GALNT17: variants seen among roughly 807,000 people sequenced by gnomAD.
GALNT17 encodes polypeptide N-acetylgalactosaminyltransferase 17.
Under a neutral mutation model 63.7 loss-of-function variants are expected in GALNT17, and 29 were observed. That is an observed-to-expected ratio of 0.46 (90% confidence interval 0.34 to 0.62). The LOEUF is 0.62. Ranked by LOEUF, GALNT17 falls within the 20% of genes least tolerant of loss-of-function variation. The pLI, the probability that GALNT17 is intolerant of heterozygous loss-of-function variation, is 0.01. For synonymous variants in GALNT17, 305 were observed against 318.3 expected (o/e 0.96, Z 0.45); for missense variants, 603 against 799.6 (o/e 0.75, Z 2.97).
At chr7:71,170,484 T>C (rs900498251) in intron 1 of GALNT17, among the ~76,000 whole-genome samples, 1 of 151,924 alleles carries the variant, frequency 6.6e-6, no homozygotes, top group Non-Finnish European at 1.5e-5. Context: ...TACAGGCACA[T>C]GCGATCACCC....
rs960622445 is a variant in GALNT17, at chr7:71,256,847, G to A, written c.239-78703G>A. On this transcript the variant is annotated intron_variant, in intron 1 of 10. Transcript: ENST00000333538. ...GTTCAAGTGAGAATGAGAGAGGTAG[G>A]AGATGACACTATCTAGGCTGGCAGA... is the stretch of plus-strand genomic sequence containing the variant. 2.2e-4 allele frequency among the ~76,000 whole-genome samples: 33 copies of A among 152,316 alleles called. No homozygotes were observed. In the Middle Eastern group the frequency reaches 0.01, roughly 47 times the overall value.
At chr7:71,256,026 A>G (rs62457809) in intron 1 of GALNT17, among the ~76,000 whole-genome samples, 17,391 of 152,150 alleles carry the variant, frequency 0.11, 1,185 homozygotes, top group South Asian at 0.21. Context: ...AGCATTTACA[A>G]TCTATTCTCC....
chr7:71,211,743 A>G (rs1789381569), intron 1 of GALNT17, among the ~76,000 whole-genome samples: 3 of 152,248 alleles, frequency 2.0e-5, no homozygotes, highest in South Asian at 2.1e-4. Flanking sequence ...AACTGGAGTA[A>G]AGGTGATTCT....
At chr7:71,694,225 T>C (rs984813453) in intron 9 of GALNT17, among the ~76,000 whole-genome samples, 2 of 152,092 alleles carry the variant, frequency 1.3e-5, no homozygotes, top group African/African-American at 4.8e-5. Flanking sequence ...ATGTTTCAAT[T>C]ACCTCCCACT....
At chr7:71,163,881 T>C (rs1373832466) in intron 1 of GALNT17, among the ~76,000 whole-genome samples, 1 of 152,196 alleles carries the variant, frequency 6.6e-6, no homozygotes, top group Non-Finnish European at 1.5e-5. Flanking sequence ...CATTTTAGAA[T>C]CTCATCTTTG....
intron 2 of GALNT17, among the ~76,000 whole-genome samples, chr7:71,348,754 C>G (rs1460339877): frequency 6.6e-6 from 1 of 152,206 alleles, no homozygotes; most frequent in African/African-American, 2.4e-5. Flanking sequence ...ATGAGAGCTG[C>G]AGGAGGGGCT....
At chr7:71,216,118 G>C (rs1205168935) in intron 1 of GALNT17, among the ~76,000 whole-genome samples, 1 of 152,100 alleles carries the variant, frequency 6.6e-6, no homozygotes, top group Non-Finnish European at 1.5e-5. Flanking sequence ...TTAGGAGGCT[G>C]AGGTGGTAGG....
chr7:71,459,267 G>GAAAAAA (rs933838462), intron 5 of GALNT17, among the ~76,000 whole-genome samples: 1 of 151,318 alleles, frequency 6.6e-6, no homozygotes, highest in South Asian at 2.1e-4. Context: ...GCAGAATACA[G>GAAAAAA]AAAAAAAAAG....
intron 6 of GALNT17, among the ~76,000 whole-genome samples, chr7:71,579,746 C>A (rs923760791): frequency 1.3e-5 from 2 of 152,108 alleles, no homozygotes; most frequent in Non-Finnish European, 2.9e-5. Context: ...CAGCGACAAC[C>A]ATCAAGGTGG....
At chr7:71,183,630 A>T (rs913476262) in intron 1 of GALNT17, among the ~76,000 whole-genome samples, 1 of 152,080 alleles carries the variant, frequency 6.6e-6, no homozygotes, top group Non-Finnish European at 1.5e-5. Context: ...ACCAACACAC[A>T]TTGCGCCTGT....
chr7:71,288,278 G>T lies in GALNT17; in HGVS notation c.239-47272G>T, dbSNP rs7806975. On this transcript the variant is annotated intron_variant, in intron 1 of 10. Transcript: ENST00000333538. ...AAATCCATGTGCTGTTCATTAAATA[G>T]AAGTGTATCGTCATAAAGGTCTTCA... 2.9e-3 allele frequency among the ~76,000 whole-genome samples: 430 copies of T among 147,510 alleles called. 2 individuals carry two copies. Among genetic ancestry groups the T allele is most frequent in the African/African-American group, 0.01 (415 of 39,592 alleles).
At chr7:71,423,399 G>A (rs748046031) in intron 5 of GALNT17, among the ~76,000 whole-genome samples, 11 of 152,162 alleles carry the variant, frequency 7.2e-5, no homozygotes, top group Non-Finnish European at 1.5e-4. Context: ...TTATAGTTCA[G>A]TACTTTATGT....
intron 6 of GALNT17, among the ~76,000 whole-genome samples, chr7:71,631,806 C>T (rs1481268972): frequency 6.6e-6 from 1 of 152,118 alleles, no homozygotes; most frequent in Non-Finnish European, 1.5e-5. Context: ...AGGTAAATTT[C>T]ACTGGTCGCA....
intron 5 of GALNT17, among the ~76,000 whole-genome samples, chr7:71,512,271 G>T (rs1456913528): frequency 6.6e-6 from 1 of 152,066 alleles, no homozygotes; most frequent in African/African-American, 2.4e-5. Flanking sequence ...CTCCCAAAGT[G>T]CTGGGATTAT....
At chr7:71,244,286 T>G (rs184625540) in intron 1 of GALNT17, among the ~76,000 whole-genome samples, 101 of 152,298 alleles carry the variant, frequency 6.6e-4, no homozygotes, top group Non-Finnish European at 6.5e-4. Flanking sequence ...CTTGCCAAGG[T>G]CATTAAGGGT....
At chr7:71,149,012 G>T (rs144302890) in intron 1 of GALNT17, among the ~76,000 whole-genome samples, 1,611 of 151,878 alleles carry the variant, frequency 0.011, 22 homozygotes, top group African/African-American at 0.035. Context: ...GCTCACTGCA[G>T]CCTCGAACTC....
At chr7:71,708,339 A>G (rs1372773744) in intron 9 of GALNT17, among the ~76,000 whole-genome samples, 3 of 152,144 alleles carry the variant, frequency 2.0e-5, no homozygotes, top group Non-Finnish European at 4.4e-5. Context: ...GTGGCAGGGA[A>G]GAGAGCATGT....
chr7:71,509,248 A>ATG (rs1243886203), intron 5 of GALNT17, among the ~76,000 whole-genome samples: 1 of 152,218 alleles, frequency 6.6e-6, no homozygotes, highest in African/African-American at 2.4e-5. Context: ...CAGCCGGCTA[A>ATG]TGTAAGTGTT....
intron 5 of GALNT17, among the ~76,000 whole-genome samples, chr7:71,476,272 G>C (rs904362417): frequency 6.6e-6 from 1 of 152,226 alleles, no homozygotes; most frequent in African/African-American, 2.4e-5. Flanking sequence ...GTTAGCAGTG[G>C]AAGACCAAGG....
Sources: allele counts gnomAD v4.1 joint callset (sites outside exome capture counted in the v4.1 genomes callset), GRCh38; gene constraint gnomAD v4.1.1; transcripts MANE v1.5; gene names NCBI Gene and HGNC (gene_info 2026-07-23, HGNC 2026-07-21).